Variants in LIN54 observed in about 807,000 individuals in gnomAD.
LIN54 encodes the protein protein lin-54 homolog.
A neutral mutation model predicts 78.7 loss-of-function variants in LIN54; 9 were observed. The observed-to-expected ratio is 0.11, with a 90% CI of 0.07 to 0.20. The LOEUF is 0.20. LIN54 is among the 10% of genes least tolerant of loss of function. The pLI, the probability that LIN54 is intolerant of heterozygous loss-of-function variation, is 1.00. For synonymous variants in LIN54, 269 were observed against 318.4 expected (o/e 0.84, Z 1.65); for missense variants, 573 against 889.9 (o/e 0.64, Z 4.53).
chr4:82,984,539 A>G lies in LIN54; in HGVS notation c.306T>C (p.Leu102=). 1 of 1,614,198 alleles carries G rather than the reference A, an allele frequency of 6.2e-7. No homozygotes were observed. The highest frequency in any genetic ancestry group is 1.3e-5 in the African/African-American group (1 of 75,052). The stretch of plus-strand genomic sequence containing the variant: ...ATATAGTCACAGGAGTCTGAGCACC[A>G]AGTTTTTGAAGGCCACTTGGAAAAG... ...KPAFPSGLQK[L]GAQTPVTISA... The change falls in exon 2 of 13, where the codon CTT becomes CTC. Residue 102 remains leucine (L), a synonymous_variant. Coordinates refer to ENST00000340417, the MANE Select transcript of LIN54 (RefSeq NM_194282.4).
chr4:82,979,386 C>T (rs543849271), intron 2 of LIN54, among the ~76,000 whole-genome samples: 114 of 151,972 alleles, frequency 7.5e-4, no homozygotes, highest in African/African-American at 2.7e-3. Flanking sequence ...AAGTATAGTG[C>T]GAATGACAAA....
In LIN54 at chr4:82,946,343, G is replaced by T. The variant is rs748063933; in HGVS notation, c.1083C>A (p.Val361=). ...IQVPGSKFHY[V]RLVTATSASS... The stretch of plus-strand genomic sequence containing the variant: ...TGGCTGATGTGGCAGTAACAAGTCG[G>T]ACATAATGAAACTTGCTTCCAGGCA... Residue 361 remains valine (V), a synonymous_variant, in exon 5 of 13, where the codon GTC becomes GTA. Coordinates refer to ENST00000340417, the MANE Select transcript of LIN54 (RefSeq NM_194282.4). The T allele has an allele frequency of 6.2e-7, 1 of 1,614,188 alleles. No individual in the cohort carries two copies. The highest frequency in any genetic ancestry group is 1.1e-5 in the South Asian group (1 of 91,086).
At chr4:82,983,233 T>A (rs1191842446) in intron 2 of LIN54, among the ~76,000 whole-genome samples, 1 of 152,044 alleles carries the variant, frequency 6.6e-6, no homozygotes, top group Non-Finnish European at 1.5e-5. Context: ...AGTCTCAAAC[T>A]CCTGACCTCA....
chr4:82,984,181 G>C lies in LIN54; in HGVS notation c.664C>G (p.Gln222Glu), dbSNP rs1446733268. ...TTTACCTGTACTGTTTTTAACTGTTGGGTCTGTAACACAGAGGGCTGAGTT... is the reference window on the plus strand; with the variant it reads ...TTTACCTGTACTGTTTTTAACTGTTCGGTCTGTAACACAGAGGGCTGAGTT... ...TTTQPSVLQTQQLKTVQIAKK... is the reference protein window; with the variant it reads ...TTTQPSVLQTEQLKTVQIAKK... The change falls in exon 2 of 13, where the codon CAA becomes GAA. Residue 222 changes from glutamine (Q) to glutamate (E), a missense_variant. By Grantham distance (29) the Gln-to-Glu change is conservative. Coordinates refer to ENST00000340417, the MANE Select transcript of LIN54 (RefSeq NM_194282.4). The C allele has an allele frequency of 1.2e-6, 2 of 1,610,854 alleles. No homozygotes were observed. The highest frequency in any genetic ancestry group is 8.5e-7 in the Non-Finnish European group (1 of 1,178,758).
At chr4:82,940,808 G>T (rs938010030) in intron 5 of LIN54, among the ~76,000 whole-genome samples, 9 of 152,286 alleles carry the variant, frequency 5.9e-5, no homozygotes, top group African/African-American at 2.2e-4. Flanking sequence ...TCCCAGTTCT[G>T]CCATTTTCTA....
chr4:82,958,825 C>T (rs1021835636), intron 4 of LIN54, among the ~76,000 whole-genome samples: 5 of 152,166 alleles, frequency 3.3e-5, no homozygotes, highest in African/African-American at 1.2e-4. Context: ...GCCTCAGCCT[C>T]CCAAGTAGCT....
At chr4:82,934,797 T>A (rs1025093407) in intron 11 of LIN54, among the ~76,000 whole-genome samples, 2 of 152,150 alleles carry the variant, frequency 1.3e-5, no homozygotes, top group Non-Finnish European at 2.9e-5. Flanking sequence ...GAGGAATAAC[T>A]CAACCACCCA....
Position 83,010,543 on chromosome 4 carries a change from T to C in LIN54, c.-92A>G. The C allele has an allele frequency of 1.7e-6, 2 of 1,200,844 alleles. No individual in the cohort carries two copies. The highest frequency in any genetic ancestry group is 1.0e-6 in the Non-Finnish European group (1 of 968,600). The allele number at this position is 1,200,844 out of a possible 1,614,324, so 74.4% of individuals were successfully genotyped here. A position where few individuals can be genotyped will look rare whatever the true frequency, so the allele number is the denominator to read the frequency against. ...CCGAGGTAGGGGCTCCAGAAGGTCC[T>C]GGGCAATCCCGAGCCCCGGCGGGGC... On this transcript the variant is annotated 5_prime_UTR_variant, in exon 1 of 13. Transcript: ENST00000340417.
chr4:82,947,259 G>T (rs1415731764), intron 4 of LIN54, among the ~76,000 whole-genome samples: 2 of 55,558 alleles, frequency 3.6e-5, no homozygotes, highest in East Asian at 7.3e-4. Flanking sequence ...TGAAGACAGG[G>T]TCTCATTCTG....
Position 82,937,306 on chromosome 4 carries a change from G to A in LIN54, c.1533-8C>T. The A allele has an allele frequency of 6.5e-7, 1 of 1,537,656 alleles. No individual in the cohort carries two copies. Among genetic ancestry groups the A allele is most frequent in the South Asian group, 1.2e-5 (1 of 81,262 alleles). On this transcript the variant is annotated splice_region_variant and splice_polypyrimidine_tract_variant and intron_variant, in intron 8 of 12. Coordinates refer to ENST00000340417, the MANE Select transcript of LIN54 (RefSeq NM_194282.4). ...GACTCTGATGGGATTATGCTGTACA[G>A]ATAGAAAAAAAGATATACATTTAAT...
chr4:82,946,210 A>C, intron 5 of LIN54, 48 bp downstream of exon 5: 2 of 1,450,356 alleles, frequency 1.4e-6, no homozygotes, highest in Non-Finnish European at 1.9e-6. Flanking sequence ...AATGTTCTTT[A>C]ATCATGTTAA....
intron 2 of LIN54, among the ~76,000 whole-genome samples, chr4:82,979,932 T>A (rs1346506316): frequency 2.4e-5 from 1 of 42,296 alleles, no homozygotes; most frequent in Non-Finnish European, 6.6e-5. Flanking sequence ...TGAGTGAGAC[T>A]CTGTCTCAAA....
At chr4:82,967,455 G>A (rs1415919820) in intron 4 of LIN54, among the ~76,000 whole-genome samples, 1 of 152,180 alleles carries the variant, frequency 6.6e-6, no homozygotes, top group Non-Finnish European at 1.5e-5. Flanking sequence ...GAGGACAGCA[G>A]TTAGGCAAGC....
chr4:82,949,284 A>G (rs992203262), intron 4 of LIN54, among the ~76,000 whole-genome samples: 2 of 152,178 alleles, frequency 1.3e-5, no homozygotes, highest in African/African-American at 4.8e-5. Context: ...ATACATTTTC[A>G]TATGTCTGTT....
intron 3 of LIN54, among the ~76,000 whole-genome samples, chr4:82,975,785 G>A (rs900826939): frequency 1.2e-4 from 18 of 151,956 alleles, no homozygotes; most frequent in African/African-American, 4.3e-4. Context: ...AAGGGGTATG[G>A]GGAGACAGAC....
At position 82,927,233 on chromosome 4, in the gene LIN54, T is replaced by G. The variant is rs1721557232; in HGVS notation, c.*869A>C. 1 of 152,310 alleles carries G rather than the reference T, an allele frequency of 6.6e-6. No individual in the cohort carries two copies. The highest frequency in any genetic ancestry group is 1.5e-5 in the Non-Finnish European group (1 of 68,020). 9.4% of individuals were successfully genotyped at this position (152,310 alleles called of 1,614,324 possible). The stretch of plus-strand genomic sequence containing the variant: ...AATTCATCTTTTGCAGCTTCCCTAT[T>G]CTTTGTTTCTCCACCCATGCCAAAT... On this transcript the variant is annotated 3_prime_UTR_variant, in exon 13 of 13. Coordinates refer to ENST00000340417, the MANE Select transcript of LIN54 (RefSeq NM_194282.4).
chr4:82,939,453 T>C (rs1722655058), intron 7 of LIN54, 86 bp downstream of exon 7: 2 of 1,114,074 alleles, frequency 1.8e-6, no homozygotes, highest in Non-Finnish European at 2.8e-6. Flanking sequence ...GAGTTAGATG[T>C]GTTTGAGTAG....
At chr4:83,007,645 T>C (rs1184294413) in intron 1 of LIN54, among the ~76,000 whole-genome samples, 2 of 152,130 alleles carry the variant, frequency 1.3e-5, no homozygotes, top group Non-Finnish European at 2.9e-5. Context: ...CTCAACACTT[T>C]GGGAGGGTGA....
chr4:82,931,184 C>A, intron 11 of LIN54, 39 bp from the exon 12 acceptor site: 1 of 1,448,784 alleles, frequency 6.9e-7, no homozygotes, highest in South Asian at 1.1e-5. Flanking sequence ...AAATCAAAAC[C>A]AAAATACATT....
Sources: allele counts gnomAD v4.1 joint callset (sites outside exome capture counted in the v4.1 genomes callset), GRCh38; gene constraint gnomAD v4.1.1; transcripts MANE v1.5; gene names NCBI Gene and HGNC (gene_info 2026-07-23, HGNC 2026-07-21).